ST14: variants seen among roughly 807,000 people sequenced by gnomAD.
The protein encoded by ST14 is suppressor of tumorigenicity 14 protein.
A neutral mutation model predicts 96.5 loss-of-function variants in ST14; 40 were observed. The ratio of observed to expected loss-of-function variants is 0.41; its 90% CI spans 0.32 to 0.54. The LOEUF is 0.54. Among genes scored for constraint, ST14 ranks in the 20% least tolerant of loss-of-function variants. ST14 has a pLI of 0.17. For synonymous variants in ST14, 506 were observed against 492.1 expected (o/e 1.03, Z -0.37); for missense variants, 1,066 against 1,188.9 (o/e 0.90, Z 1.52).
In ST14 at chr11:130,198,372, C is replaced by T. The variant is rs1216758393; in HGVS notation, c.1524C>T (p.Cys508=). Reference sequence around the variant, plus strand: ...TCTGCAAGCCCCTCTTCTGGGTCTGCGACAGTGTGAACGACTGCGGAGACA... The same window carrying T: ...TCTGCAAGCCCCTCTTCTGGGTCTGTGACAGTGTGAACGACTGCGGAGACA... ...NKFCKPLFWV[C]DSVNDCGDNS... is the part of the protein sequence containing the mutation. The change falls in exon 13 of 19, where the codon TGC becomes TGT. Residue 508 remains cysteine (C), a synonymous_variant. Coordinates refer to ENST00000278742, the MANE Select transcript of ST14 (RefSeq NM_021978.4). 12 of 1,614,138 alleles carry T rather than the reference C, an allele frequency of 7.4e-6. No homozygotes were observed. The highest frequency in any genetic ancestry group is 6.8e-6 in the Non-Finnish European group (8 of 1,180,038).
rs947964566 is a variant in ST14 at position 130,188,604 on chromosome 11, G to A, written c.316G>A (p.Glu106Lys). The A allele has an allele frequency of 3.1e-6, 5 of 1,614,246 alleles. No homozygotes were observed. The highest frequency in any genetic ancestry group is 4.2e-6 in the Non-Finnish European group (5 of 1,180,038). ...AAATGAGAATTTTGTGGATGCCTAC[G>A]AGAACTCCAACTCCACTGAGTTTGT... Reference protein sequence around the residue: ...ITNENFVDAYENSNSTEFVSL... With the variant: ...ITNENFVDAYKNSNSTEFVSL... The change falls in exon 3 of 19, where the codon GAG becomes AAG. Residue 106 changes from glutamate to lysine, a missense_variant. By Grantham distance (56) the Glu-to-Lys change is moderately conservative (BLOSUM62 1). Coordinates refer to ENST00000278742, the MANE Select transcript of ST14 (RefSeq NM_021978.4). This position sits in a 1 kb window ranked among gnomAD's most constrained non-coding sequence, Gnocchi z 5.4.
Position 130,196,342 on chromosome 11 carries a change from C to T in ST14, c.1117C>T (p.Pro373Ser). 1 of 1,587,370 alleles carries T rather than the reference C, an allele frequency of 6.3e-7. No individual in the cohort carries two copies. Among genetic ancestry groups the T allele is most frequent in the South Asian group, 1.2e-5 (1 of 86,756 alleles). The change falls in exon 10 of 19, where the codon CCC becomes TCC. Residue 373 changes from proline to serine, a missense_variant. Coordinates refer to ENST00000278742, the MANE Select transcript of ST14 (RefSeq NM_021978.4). ...NIDCTWNIEV[P>S]NNQHVKVRFK... is the part of the protein sequence containing the mutation. Reference sequence around the variant, plus strand: ...CCAGCAGCCTCTCTTCCCTCAGGTGCCCAACAACCAGCATGTGAAGGTGCG... The same window carrying T: ...CCAGCAGCCTCTCTTCCCTCAGGTGTCCAACAACCAGCATGTGAAGGTGCG...
chr11:130,194,000 G>A (rs1953332216), intron 7 of ST14, 149 bp from the exon 8 acceptor site: 1 of 941,156 alleles, frequency 1.1e-6, no homozygotes, highest in Admixed American at 1.7e-5. Flanking sequence ...CTTGAATGAA[G>A]GTCTTTTTGA....
chr11:130,186,354 A>G (rs780282116), intron 1 of ST14, among the ~76,000 whole-genome samples: 8 of 152,230 alleles, frequency 5.3e-5, no homozygotes, highest in Non-Finnish European at 8.8e-5. Flanking sequence ...ATGATCCAGG[A>G]AATAGGAGTT....
At position 130,188,747 on chromosome 11, in the gene ST14, A is replaced by G. The variant is rs1953264514; in HGVS notation, c.369+90A>G. 2 of 1,610,446 alleles carry G rather than the reference A, an allele frequency of 1.2e-6. No homozygotes were observed. The highest frequency in any genetic ancestry group is 2.7e-5 in the African/African-American group (2 of 74,824). On this transcript the variant is annotated intron_variant, in intron 3 of 18. Coordinates refer to ENST00000278742, the MANE Select transcript of ST14 (RefSeq NM_021978.4). This position sits in a 1 kb window ranked among gnomAD's most constrained non-coding sequence, Gnocchi z 5.4. ...AGGGACATGCCTCGCCTGTGCTCCC[A>G]GGGCCCTGGGATGGGGGTGATCTGC...
chr11:130,202,431 C>A (rs1363068419), intron 16 of ST14, among the ~76,000 whole-genome samples: 1 of 152,152 alleles, frequency 6.6e-6, no homozygotes, highest in Non-Finnish European at 1.5e-5. Flanking sequence ...TGTGTCCAGG[C>A]TCCCTTGGGC....
At chr11:130,207,461 G>C (rs776970772) in intron 16 of ST14, among the ~76,000 whole-genome samples, 4 of 152,284 alleles carry the variant, frequency 2.6e-5, no homozygotes, top group Non-Finnish European at 5.9e-5. Flanking sequence ...TGAGGCAGGA[G>C]AATCGCTTGA....
At chr11:130,170,567 C>T (rs1282895746) in intron 1 of ST14, among the ~76,000 whole-genome samples, 1 of 151,978 alleles carries the variant, frequency 6.6e-6, no homozygotes, top group Non-Finnish European at 1.5e-5. Flanking sequence ...TGGCAAGGCT[C>T]AGCTTTGGCC....
At chr11:130,178,050 T>C (rs73585186) in intron 1 of ST14, among the ~76,000 whole-genome samples, 134 of 152,388 alleles carry the variant, frequency 8.8e-4, no homozygotes, top group African/African-American at 3.2e-3. Context: ...CACTCCGTAG[T>C]CAGAGCCTCA....
At chr11:130,208,194 G>A (rs558451267) in intron 16 of ST14, among the ~76,000 whole-genome samples, 22 of 152,238 alleles carry the variant, frequency 1.4e-4, no homozygotes, top group Non-Finnish European at 2.9e-4. Context: ...TCAAGGAAGG[G>A]GGGGTAAAGA....
intron 1 of ST14, among the ~76,000 whole-genome samples, chr11:130,163,648 G>T: frequency 6.6e-6 from 1 of 152,186 alleles, no homozygotes; most frequent in Non-Finnish European, 1.5e-5. Flanking sequence ...GCAGAAAGCA[G>T]CAGGAAGCTA....
Position 130,181,813 on chromosome 11 carries a change from C to T in ST14, c.82-6301C>T, listed in dbSNP as rs542879846. Among the ~76,000 whole-genome samples, 41 of 152,312 alleles carry T rather than the reference C, an allele frequency of 2.7e-4. No homozygotes were observed. Among genetic ancestry groups the T allele is most frequent in the African/African-American group, 9.4e-4 (39 of 41,554 alleles). On this transcript the variant is annotated intron_variant, in intron 1 of 18. Coordinates refer to ENST00000278742, the MANE Select transcript of ST14 (RefSeq NM_021978.4). The surrounding 1 kb of genome is among the most constrained non-coding windows in gnomAD (Gnocchi z 4.1). ...TTACACCTGAAAATGGAGCCAAGAG[C>T]TAAGGTTATAAAAGGAAGCAGCCCA...
chr11:130,199,831 C>T (rs920132226), intron 15 of ST14, 120 bp from the exon 16 acceptor site: 10 of 1,232,842 alleles, frequency 8.1e-6, no homozygotes, highest in African/African-American at 3.0e-5. Context: ...GCCAGCAGTG[C>T]TGTGCACGCC....
chr11:130,189,807 A>C lies in ST14; in HGVS notation c.509A>C (p.Glu170Ala). 6.2e-7 allele frequency: 1 copy of C among 1,613,916 alleles called. No homozygotes were observed. The highest frequency in any genetic ancestry group is 8.5e-7 in the Non-Finnish European group (1 of 1,179,960). ...CCGCAGCACCTGGTGGAGGAGGCCG[A>C]GCGCGTCATGGCCGAGGAGCGCGTA... ...SIPQHLVEEA[E>A]RVMAEERVVM... is the part of the protein sequence containing the mutation. The change falls in exon 5 of 19, where the codon GAG (glutamate) becomes GCG (alanine). Residue 170 changes from glutamate to alanine, a missense_variant. Transcript: ENST00000278742.
intron 16 of ST14, among the ~76,000 whole-genome samples, chr11:130,202,464 C>G (rs185150525): frequency 2.6e-5 from 4 of 152,272 alleles, no homozygotes; most frequent in Non-Finnish European, 5.9e-5. Flanking sequence ...GTTTAGAATT[C>G]TAAACCCATA....
chr11:130,201,651 C>T (rs1325087755), intron 16 of ST14, among the ~76,000 whole-genome samples: 1 of 152,276 alleles, frequency 6.6e-6, no homozygotes, highest in Non-Finnish European at 1.5e-5. Context: ...CAAATCATAG[C>T]TTGCTACAGT....
At chr11:130,206,619 G>A (rs1953492641) in intron 16 of ST14, among the ~76,000 whole-genome samples, 2 of 141,836 alleles carry the variant, frequency 1.4e-5, no homozygotes, top group South Asian at 2.5e-4. Flanking sequence ...CCAGGCTGGA[G>A]TTCAGTGGTG....
intron 1 of ST14, among the ~76,000 whole-genome samples, chr11:130,173,310 C>T (rs1392500151): frequency 6.6e-6 from 1 of 152,078 alleles, no homozygotes; most frequent in Non-Finnish European, 1.5e-5. Flanking sequence ...TCAAAACAAA[C>T]TGAAAGGCTG....
chr11:130,191,217 A>G (rs1162283998), intron 7 of ST14, among the ~76,000 whole-genome samples: 2 of 149,614 alleles, frequency 1.3e-5, no homozygotes, highest in East Asian at 4.0e-4. Context: ...GTGGTGGCGC[A>G]TGCCTACTCA....
Sources: allele counts gnomAD v4.1 joint callset (sites outside exome capture counted in the v4.1 genomes callset), GRCh38; gene constraint gnomAD v4.1.1; non-coding constraint Gnocchi (gnomAD v3.1); transcripts MANE v1.5; gene names NCBI Gene and HGNC (gene_info 2026-07-23, HGNC 2026-07-21).